Variants in ITGA3 observed in about 807,000 individuals in gnomAD.
ITGA3 encodes integrin alpha-3.
Under a neutral mutation model 131.1 loss-of-function variants are expected in ITGA3, and 70 were observed. That is an observed-to-expected ratio of 0.53 (90% CI 0.44 to 0.65). The LOEUF is 0.65. Among genes scored for constraint, ITGA3 ranks in the 30% least tolerant of loss-of-function variants. The pLI, the probability that ITGA3 is intolerant of heterozygous loss-of-function variation, is 0.00. For missense variants in ITGA3, 1,098 were observed against 1,388.6 expected, an observed-to-expected ratio of 0.79 and a Z score of 3.33; for synonymous variants, 537 against 571.6, an observed-to-expected ratio of 0.94 and a Z score of 0.86.
chr17:50,075,898 C>T (rs1171407060), intron 12 of ITGA3, among the ~76,000 whole-genome samples, 163 bp downstream of exon 12: 6 of 152,126 alleles, frequency 3.9e-5, no homozygotes, highest in Admixed American at 3.9e-4. Flanking sequence ...TGTACAGCAC[C>T]CACACATGAG....
chr17:50,089,517 G>A lies in ITGA3; in HGVS notation c.*439G>A. The A allele has an allele frequency of 1.9e-6, 1 of 527,128 alleles. No homozygotes were observed. The highest frequency in any genetic ancestry group is 3.4e-6 in the Non-Finnish European group (1 of 290,082). The allele number at this position is 527,128 out of a possible 1,614,324, so 32.7% of individuals were successfully genotyped here. Reference sequence around the variant, plus strand: ...GCCCTAGATGCACGTGGGGCCCACTGCTCGTGGACTGTGCTGGTGCATCAC... The same window carrying A: ...GCCCTAGATGCACGTGGGGCCCACTACTCGTGGACTGTGCTGGTGCATCAC... On this transcript the variant is annotated 3_prime_UTR_variant, in exon 26 of 26. Coordinates refer to ENST00000320031, the MANE Select transcript of ITGA3 (RefSeq NM_002204.4).
In ITGA3 at chr17:50,064,104, C is replaced by T. The variant is rs112180126; in HGVS notation, c.234C>T (p.Leu78=). The T allele has an allele frequency of 1.0e-4, 165 of 1,612,554 alleles. No homozygotes were observed. In the African/African-American group the frequency reaches 1.5e-3, roughly 14 times the overall value. The stretch of plus-strand genomic sequence containing the variant: ...TCCTGGCTGGTGCCCCCCGGGAGCT[C>T]GCTGTGCCCGATGGCTACACCAACC... The part of the protein sequence containing the change: ...YLLLAGAPRE[L]AVPDGYTNRT... Residue 78 remains leucine, a synonymous_variant, in exon 2 of 26, where the codon CTC becomes CTT. Transcript: ENST00000320031. This position sits in a 1 kb window ranked among gnomAD's most constrained non-coding sequence, Gnocchi z 4.4.
At position 50,072,001 on chromosome 17, in the gene ITGA3, G is replaced by A; in HGVS notation, c.975G>A (p.Leu325=). 1 of 1,613,500 alleles carries A rather than the reference G, an allele frequency of 6.2e-7. No individual in the cohort carries two copies. Among genetic ancestry groups the A allele is most frequent in the Non-Finnish European group, 8.5e-7 (1 of 1,179,674 alleles). Residue 325 remains leucine, a synonymous_variant, in exon 7 of 26, where the codon CTG becomes CTA. Transcript: ENST00000320031. The part of the protein sequence containing the change: ...DLNNDGWQDL[L]VGAPYYFERK... Reference sequence around the variant, plus strand: ...TCCTGTGTAGGTGGCAGGACCTCCTGGTGGGCGCCCCCTACTACTTCGAGA... The same window carrying A: ...TCCTGTGTAGGTGGCAGGACCTCCTAGTGGGCGCCCCCTACTACTTCGAGA...
intron 22 of ITGA3, 86 bp downstream of exon 22, chr17:50,080,461 T>TGGGGG (rs764103810): frequency 1.6e-5 from 9 of 573,270 alleles, no homozygotes; most frequent in Non-Finnish European, 2.5e-5. Context: ...GGTCATAGCA[T>TGGGGG]GGGTGTGTGT....
intron 15 of ITGA3, 121 bp from the exon 16 acceptor site, chr17:50,077,258 C>T: frequency 1.5e-6 from 2 of 1,292,226 alleles, no homozygotes; most frequent in Non-Finnish European, 1.1e-6. Context: ...GGGGCCTTAG[C>T]GTCTCTGCTG....
rs2078864 is a variant in ITGA3, at chr17:50,089,934, A to G, written c.*856A>G. 175,418 of 203,896 alleles carry G rather than the reference A, an allele frequency of 0.86. 76,132 individuals carry two copies. The highest frequency in any genetic ancestry group is 0.9 in the Non-Finnish European group (87,586 of 97,278). 12.6% of individuals were successfully genotyped at this position (203,896 alleles called of 1,614,324 possible). On this transcript the variant is annotated 3_prime_UTR_variant, in exon 26 of 26. Coordinates refer to ENST00000320031, the MANE Select transcript of ITGA3 (RefSeq NM_002204.4). ...TGGCCACAGACTGAACTCGCAGGGAATGCAGCAGGAAGGAACAAAGACAGG... is the reference window on the plus strand; with the variant it reads ...TGGCCACAGACTGAACTCGCAGGGAGTGCAGCAGGAAGGAACAAAGACAGG...
chr17:50,074,975 G>A (rs1266637389), intron 10 of ITGA3, among the ~76,000 whole-genome samples: 2 of 152,192 alleles, frequency 1.3e-5, no homozygotes, highest in African/African-American at 4.8e-5. Context: ...TATACAGAAA[G>A]TCCTTAGCAC....
intron 1 of ITGA3, among the ~76,000 whole-genome samples, chr17:50,062,053 AAAAG>A (rs1908109177): frequency 1.3e-5 from 2 of 151,622 alleles, no homozygotes; most frequent in South Asian, 2.1e-4. Context: ...AAAAAAAAAA[AAAAG>A]AAAGAAAAAA....
rs989321555 is a variant in ITGA3 at position 50,072,322 on chromosome 17, G to A, written c.1156+140G>A. 4.5e-5 allele frequency: 33 copies of A among 732,366 alleles called. 1 individual carries two copies. The highest frequency in any genetic ancestry group is 8.9e-5 in the African/African-American group (5 of 56,448). The allele number at this position is 732,366 out of a possible 1,614,324, so 45.4% of individuals were successfully genotyped here. ...GGATGGGGCCGGACCTGGGGAGCTC[G>A]CAGCAGTACTAGAGAGAGGATGTGC... On this transcript the variant is annotated intron_variant, in intron 7 of 25. Transcript: ENST00000320031.
At chr17:50,060,893 A>G (rs976025841) in intron 1 of ITGA3, among the ~76,000 whole-genome samples, 1 of 152,142 alleles carries the variant, frequency 6.6e-6, no homozygotes, top group Non-Finnish European at 1.5e-5. Context: ...TCATTTGTGT[A>G]CTAATTTGCA....
In ITGA3 at chr17:50,056,506, G is replaced by T; in HGVS notation, c.67G>T (p.Val23Leu). Residue 23 changes from valine (V) to leucine (L), a missense_variant, in exon 1 of 26, where the codon GTG becomes TTG. Physicochemically the swap from Val to Leu is conservative, Grantham distance 32. Coordinates refer to ENST00000320031, the MANE Select transcript of ITGA3 (RefSeq NM_002204.4). This position sits in a 1 kb window ranked among gnomAD's most constrained non-coding sequence, Gnocchi z 5.6. ...GATGCTCTGTGCGCTCGCCTTGATGGTGGCGGCCGGCGGCTGCGTCGTCTC... is the reference window on the plus strand; with the variant it reads ...GATGCTCTGTGCGCTCGCCTTGATGTTGGCGGCCGGCGGCTGCGTCGTCTC... ...RLMLCALALMVAAGGCVVSAF... is the reference protein window; with the variant it reads ...RLMLCALALMLAAGGCVVSAF... 6.5e-7 allele frequency: 1 copy of T among 1,550,252 alleles called. No homozygotes were observed. The highest frequency in any genetic ancestry group is 2.4e-5 in the East Asian group (1 of 40,916).
Position 50,068,300 on chromosome 17 carries a change from G to A in ITGA3, c.659G>A (p.Trp220Ter). ...VYFGAPGAYNWKGNSYMIQRK... is the reference protein window; with the variant it reads ...VYFGAPGAYN ...TTCGGCGCCCCCGGTGCCTACAACT[G>A]GAAAGGTGGGGACCATGGGGCCATG... Residue 220 changes from tryptophan to a stop codon, truncating the protein, a stop_gained, in exon 4 of 26, where the codon TGG becomes TAG. Coordinates refer to ENST00000320031, the MANE Select transcript of ITGA3 (RefSeq NM_002204.4). LOFTEE classifies it high-confidence loss of function. The A allele has an allele frequency of 6.2e-7, 1 of 1,612,966 alleles. No homozygotes were observed. The highest frequency in any genetic ancestry group is 8.5e-7 in the Non-Finnish European group (1 of 1,179,980).
At chr17:50,072,849 C>T (rs1397315791) in intron 7 of ITGA3, among the ~76,000 whole-genome samples, 1 of 152,026 alleles carries the variant, frequency 6.6e-6, no homozygotes, top group Non-Finnish European at 1.5e-5. Context: ...TTCTGCAGGA[C>T]TTGGGGACCA....
chr17:50,070,597 G>A (rs1874528857), intron 4 of ITGA3, among the ~76,000 whole-genome samples: 1 of 117,946 alleles, frequency 8.5e-6, no homozygotes, highest in Admixed American at 1.2e-4. Flanking sequence ...AGTGAGGCAA[G>A]ATCACACCAT....
rs34260892 is a variant in ITGA3 at position 50,085,795 on chromosome 17, T to C, written c.2920-1949T>C. Among the ~76,000 whole-genome samples, 310 of 103,020 alleles carry C rather than the reference T, an allele frequency of 3.0e-3. 2 individuals are homozygous for C. The highest frequency in any genetic ancestry group is 3.4e-3 in the Non-Finnish European group (149 of 43,794). 67.6% of individuals were successfully genotyped at this position (103,020 alleles called of 152,430 possible). A position where few individuals can be genotyped will look rare whatever the true frequency, so the allele number is the denominator to read the frequency against. ...ATACATTATAGATTTATAATGTATA[T>C]TAGATTATACATTATAGATTTATAA... On this transcript the variant is annotated intron_variant, in intron 23 of 25. Coordinates refer to ENST00000320031, the MANE Select transcript of ITGA3 (RefSeq NM_002204.4).
rs1422856050 is a variant in ITGA3, at chr17:50,090,184, A to G, written c.*1106A>G. The G allele has an allele frequency of 1.5e-5, 7 of 452,186 alleles. No individual in the cohort carries two copies. Among genetic ancestry groups the G allele is most frequent in the Admixed American group, 4.7e-5 (2 of 42,374 alleles). The allele number at this position is 452,186 out of a possible 1,614,324, so 28.0% of individuals were successfully genotyped here. A position where few individuals can be genotyped will look rare whatever the true frequency, so the allele number is the denominator to read the frequency against. On this transcript the variant is annotated 3_prime_UTR_variant, in exon 26 of 26. Transcript: ENST00000320031. ...TAGGCAGGGGGCCCTGCCCCACCCCATCCAGCCAGACCCCACGCTGACCAT... is the reference window on the plus strand; with the variant it reads ...TAGGCAGGGGGCCCTGCCCCACCCCGTCCAGCCAGACCCCACGCTGACCAT...
intron 23 of ITGA3, 159 bp from the exon 24 acceptor site, chr17:50,087,585 C>A (rs1909510619): frequency 4.1e-6 from 3 of 723,710 alleles, no homozygotes; most frequent in Non-Finnish European, 2.3e-6. Flanking sequence ...ACCACTGGAC[C>A]TGCTGTCAGT....
intron 1 of ITGA3, among the ~76,000 whole-genome samples, chr17:50,062,581 T>A (rs1175705666): frequency 6.6e-6 from 1 of 152,138 alleles, no homozygotes; most frequent in Non-Finnish European, 1.5e-5. Flanking sequence ...TGTCTTGAAG[T>A]ATAGGCAAGG....
chr17:50,076,445 CCAGGCACAGG>C lies in ITGA3; in HGVS notation c.1796_1805del (p.Gln599LeufsTer38). The stretch of plus-strand genomic sequence containing the variant: ...CCCTGGACGCCTACCCGATCCTCAA[CCAGGCACAGG>C]CTCTGGAGAACCACACTGAGGTGAG... On this transcript the variant is annotated frameshift_variant, in exon 13 of 26. Transcript: ENST00000320031. LOFTEE classifies it high-confidence loss of function. 1 of 1,610,484 alleles carries C rather than the reference CCAGGCACAGG, an allele frequency of 6.2e-7. No homozygotes were observed. The highest frequency in any genetic ancestry group is 8.5e-7 in the Non-Finnish European group (1 of 1,179,996).
Sources: gnomAD v4.1 joint callset for allele counts (sites outside exome capture counted in the v4.1 genomes callset) on GRCh38, gnomAD v4.1.1 for gene constraint, Gnocchi (gnomAD v3.1) non-coding constraint, MANE v1.5 for transcripts, NCBI Gene and HGNC (gene_info 2026-07-23, HGNC 2026-07-21) for gene names.